SLC22A15: variants seen among roughly 807,000 people sequenced by gnomAD.
SLC22A15 encodes the protein solute carrier family 22 member 15.
Under a neutral mutation model 62.7 loss-of-function variants are expected in SLC22A15, and 45 were observed. That is an observed-to-expected ratio of 0.72 (90% CI 0.56 to 0.92). SLC22A15 has a LOEUF of 0.92. Ranked by LOEUF, SLC22A15 falls within the 40% of genes least tolerant of loss-of-function variation. The pLI, the probability that SLC22A15 is intolerant of heterozygous loss-of-function variation, is 0.00. For missense variants in SLC22A15, 622 were observed against 665.6 expected (o/e 0.93, Z 0.72); for synonymous variants, 264 against 267.0 (o/e 0.99, Z 0.11).
At chr1:116,026,829 G>C in intron 4 of SLC22A15, 64 bp from the exon 5 acceptor site, 2 of 1,588,212 alleles carry the variant, frequency 1.3e-6, no homozygotes, top group Non-Finnish European at 1.7e-6. Flanking sequence ...TCTGTAACTT[G>C]GGGTTGGAAA....
At chr1:116,006,767 G>C (rs1656004254) in intron 2 of SLC22A15, among the ~76,000 whole-genome samples, 1 of 151,452 alleles carries the variant, frequency 6.6e-6, no homozygotes, top group Non-Finnish European at 1.5e-5. Flanking sequence ...CTTCATCTCA[G>C]TCTGTCTGTA....
chr1:116,035,344 G>C lies in SLC22A15; in HGVS notation c.1085+17G>C. On this transcript the variant is annotated intron_variant, in intron 7 of 11. Coordinates refer to ENST00000369503, the MANE Select transcript of SLC22A15 (RefSeq NM_018420.3). ...CCAAAAATGGTGAGTAAGTGTGGAT[G>C]AATATGAAGTGCACCGTAGAGAATG... 6.2e-7 allele frequency: 1 copy of C among 1,608,368 alleles called. No homozygotes were observed. Among genetic ancestry groups the C allele is most frequent in the Non-Finnish European group, 8.5e-7 (1 of 1,176,660 alleles).
intron 2 of SLC22A15, among the ~76,000 whole-genome samples, chr1:116,013,224 C>T (rs1656361604): frequency 6.6e-6 from 1 of 152,164 alleles, no homozygotes; most frequent in Non-Finnish European, 1.5e-5. Flanking sequence ...CAGCCTTCTC[C>T]CTGTTGTTCC....
At chr1:116,012,747 A>T (rs145691620) in intron 2 of SLC22A15, among the ~76,000 whole-genome samples, 149 of 152,364 alleles carry the variant, frequency 9.8e-4, no homozygotes, top group African/African-American at 3.5e-3. Flanking sequence ...TCAACTTAGG[A>T]TGGCTTGACA....
intron 4 of SLC22A15, among the ~76,000 whole-genome samples, chr1:116,021,508 G>A (rs1450010788): frequency 6.6e-6 from 1 of 152,156 alleles, no homozygotes; most frequent in African/African-American, 2.4e-5. Context: ...ACTTAGGTTT[G>A]CAATGATAAC....
chr1:116,052,236 G>A (rs949110541), intron 8 of SLC22A15, among the ~76,000 whole-genome samples: 2 of 152,116 alleles, frequency 1.3e-5, no homozygotes, highest in Non-Finnish European at 2.9e-5. Flanking sequence ...TAGGAAACCA[G>A]GAGATTATAT....
chr1:116,069,058 C>T lies in SLC22A15; in HGVS notation c.*1950C>T, dbSNP rs1026824403. 4 of 152,166 alleles carry T rather than the reference C, an allele frequency of 2.6e-5. No individual in the cohort carries two copies. Among genetic ancestry groups the T allele is most frequent in the Non-Finnish European group, 5.9e-5 (4 of 68,024 alleles). 9.4% of individuals were successfully genotyped at this position (152,166 alleles called of 1,614,324 possible). On this transcript the variant is annotated 3_prime_UTR_variant, in exon 12 of 12. Coordinates refer to ENST00000369503, the MANE Select transcript of SLC22A15 (RefSeq NM_018420.3). ...TTGAAGACTAATTGGGAGTCCATCT[C>T]TCTATTGGCACTGGGTTCGATTGCC...
At position 116,035,288 on chromosome 1, in the gene SLC22A15, C is replaced by T. The variant is rs17852419; in HGVS notation, c.1046C>T (p.Pro349Leu). ...NLALSGLIEI[P>L]SYPLCIYLIN... is the part of the protein sequence containing the mutation. ...GCCCTGTCTGGCCTCATAGAGATTC[C>T]ATCTTACCCTCTCTGTATCTACTTG... is the stretch of plus-strand genomic sequence containing the variant. The change falls in exon 7 of 12, where the codon CCA becomes CTA. Residue 349 changes from proline (P) to leucine (L), a missense_variant. By Grantham distance (98) the Pro-to-Leu change is moderately conservative (BLOSUM62 -3). Transcript: ENST00000369503. 6 of 1,613,184 alleles carry T rather than the reference C, an allele frequency of 3.7e-6. No homozygotes were observed. Among genetic ancestry groups the T allele is most frequent in the East Asian group, 4.5e-5 (2 of 44,850 alleles).
At chr1:116,030,696 T>G (rs1043402677) in intron 5 of SLC22A15, among the ~76,000 whole-genome samples, 4 of 152,192 alleles carry the variant, frequency 2.6e-5, no homozygotes, top group Non-Finnish European at 5.9e-5. Flanking sequence ...ACTTCTATTC[T>G]TTAAGGTCTT....
intron 2 of SLC22A15, among the ~76,000 whole-genome samples, chr1:116,012,630 A>T (rs1318493914): frequency 1.3e-5 from 2 of 152,230 alleles, no homozygotes; most frequent in Non-Finnish European, 2.9e-5. Flanking sequence ...AGGTATTTGT[A>T]TTTAAAACAC....
intron 2 of SLC22A15, among the ~76,000 whole-genome samples, chr1:116,000,670 G>A (rs551981321): frequency 1.7e-4 from 21 of 121,972 alleles, no homozygotes; most frequent in Admixed American, 5.5e-4. Flanking sequence ...TCACTCTGTC[G>A]CCCAGGCTGG....
Position 116,054,142 on chromosome 1 carries a change from G to A in SLC22A15, c.1172-8620G>A, listed in dbSNP as rs188957725. On this transcript the variant is annotated intron_variant, in intron 8 of 11. Transcript: ENST00000369503. The stretch of plus-strand genomic sequence containing the variant: ...ATAAAGAGTCAAGACCCATCAGTGT[G>A]CTATATTCAGGAAGCCCATCTCACA... Among the ~76,000 whole-genome samples, 851 of 152,280 alleles carry A rather than the reference G, an allele frequency of 5.6e-3. 4 individuals carry two copies. Among genetic ancestry groups the A allele is most frequent in the Non-Finnish European group, 8.6e-3 (585 of 68,026 alleles).
chr1:116,028,256 T>C (rs1030990207), intron 5 of SLC22A15, among the ~76,000 whole-genome samples: 2 of 152,088 alleles, frequency 1.3e-5, no homozygotes, highest in East Asian at 1.9e-4. Flanking sequence ...GTATTTTTAG[T>C]TATATGAATT....
At chr1:116,012,022 CT>C (rs1277138316) in intron 2 of SLC22A15, among the ~76,000 whole-genome samples, 1 of 152,176 alleles carries the variant, frequency 6.6e-6, no homozygotes, top group Admixed American at 6.5e-5. Context: ...GCAAAGCCCA[CT>C]TGTGGGAGGG....
intron 8 of SLC22A15, among the ~76,000 whole-genome samples, chr1:116,059,031 C>A (rs907157317): frequency 1.3e-5 from 2 of 151,884 alleles, no homozygotes; most frequent in African/African-American, 4.8e-5. Flanking sequence ...ATGGGTGCAA[C>A]AAAATCTCAT....
chr1:116,031,723 A>C, intron 6 of SLC22A15, 142 bp downstream of exon 6: 1 of 1,453,482 alleles, frequency 6.9e-7, no homozygotes, highest in Admixed American at 2.7e-5. Context: ...AAGTCTCCTG[A>C]TCCTTAGCGC....
chr1:116,032,310 T>A (rs1657443191), intron 6 of SLC22A15: 1 of 985,216 alleles, frequency 1.0e-6, no homozygotes, highest in African/African-American at 1.7e-5. Flanking sequence ...TGCATACAAT[T>A]TGTGGATTGC....
chr1:116,060,298 C>T (rs1658347232), intron 8 of SLC22A15, among the ~76,000 whole-genome samples: 1 of 152,218 alleles, frequency 6.6e-6, no homozygotes, highest in Non-Finnish European at 1.5e-5. Flanking sequence ...TTGGCAGGCA[C>T]ATACGAGAGA....
At chr1:115,991,734 A>T (rs1310181709) in intron 1 of SLC22A15, among the ~76,000 whole-genome samples, 1 of 152,214 alleles carries the variant, frequency 6.6e-6, no homozygotes, top group Non-Finnish European at 1.5e-5. Flanking sequence ...TTTGAACCAT[A>T]TAAGCATATA....
Sources: gnomAD v4.1 joint callset for allele counts (sites outside exome capture counted in the v4.1 genomes callset) on GRCh38, gnomAD v4.1.1 for gene constraint, MANE v1.5 for transcripts, NCBI Gene and HGNC (gene_info 2026-07-23, HGNC 2026-07-21) for gene names.